The following FHIP1A variants were observed in gnomAD, a reference collection of about 807,000 sequenced individuals.
The protein encoded by FHIP1A is FHF complex subunit HOOK interacting protein 1A, also known as FHF complex subunit HOOK-interacting protein 1A.
A neutral mutation model predicts 88.6 loss-of-function variants in FHIP1A; 61 were observed. The ratio of observed to expected loss-of-function variants is 0.69; its 90% confidence interval spans 0.56 to 0.85. The LOEUF (loss-of-function observed/expected upper bound fraction) is 0.85. Among genes scored for constraint, FHIP1A ranks in the 40% least tolerant of loss-of-function variants. The pLI is 0.00. For missense variants in FHIP1A, 1,154 were observed against 1,273.5 expected, an observed-to-expected ratio of 0.91 and a Z score of 1.43; for synonymous variants, 478 against 496.0, an observed-to-expected ratio of 0.96 and a Z score of 0.48.
chr4:151,648,432 G>T (rs920148042), intron 10 of FHIP1A, among the ~76,000 whole-genome samples: 4 of 152,074 alleles, frequency 2.6e-5, no homozygotes, highest in Admixed American at 1.3e-4. Flanking sequence ...TATAAAATAT[G>T]AATTATGTCT....
At chr4:151,440,123 A>C (rs1728349674) in intron 1 of FHIP1A, among the ~76,000 whole-genome samples, 1 of 152,186 alleles carries the variant, frequency 6.6e-6, no homozygotes, top group Admixed American at 6.5e-5. Context: ...AATGAGTGCC[A>C]GCAGGGGAAG....
chr4:151,649,518 G>A lies in FHIP1A; in HGVS notation c.1477G>A (p.Gly493Arg). 1 of 1,551,668 alleles carries A rather than the reference G, an allele frequency of 6.4e-7. No individual in the cohort carries two copies. Among genetic ancestry groups the A allele is most frequent in the Non-Finnish European group, 8.7e-7 (1 of 1,146,968 alleles). The change falls in exon 11 of 14, where the codon GGG becomes AGG. Residue 493 changes from glycine (G) to arginine (R), a missense_variant. By Grantham distance (125) the Gly-to-Arg change is moderately radical. Coordinates refer to ENST00000435205, the MANE Select transcript of FHIP1A (RefSeq NM_001109977.3). Reference protein sequence around the residue: ...FSESACIVEYGKALDISYLQY... With the variant: ...FSESACIVEYRKALDISYLQY... Reference sequence around the variant, plus strand: ...CGAGTCAGCCTGCATTGTGGAGTATGGGAAAGCCCTGGACATCAGCTACCT... The same window carrying A: ...CGAGTCAGCCTGCATTGTGGAGTATAGGAAAGCCCTGGACATCAGCTACCT...
intron 1 of FHIP1A, among the ~76,000 whole-genome samples, chr4:151,440,367 C>T (rs1728358600): frequency 6.6e-6 from 1 of 152,154 alleles, no homozygotes; most frequent in South Asian, 2.1e-4. Flanking sequence ...AGGTGCCTGA[C>T]ACATAGTAGG....
Position 151,577,625 on chromosome 4 carries a change from C to T in FHIP1A, c.281C>T (p.Ser94Phe). Residue 94 changes from serine (S) to phenylalanine (F), a missense_variant, in exon 5 of 14, where the codon TCT (serine) becomes TTT (phenylalanine). Coordinates refer to ENST00000435205, the MANE Select transcript of FHIP1A (RefSeq NM_001109977.3). ...AMGPILEFVVSENIMEKLFLW... is the reference protein window; with the variant it reads ...AMGPILEFVVFENIMEKLFLW... ...GGGCCGATTCTGGAATTTGTGGTCT[C>T]TGAGAACATCATGGAGAAACTTTTC... 2 of 1,551,852 alleles carry T rather than the reference C, an allele frequency of 1.3e-6. No individual in the cohort carries two copies. Among genetic ancestry groups the T allele is most frequent in the Non-Finnish European group, 1.7e-6 (2 of 1,146,990 alleles).
intron 3 of FHIP1A, among the ~76,000 whole-genome samples, chr4:151,539,562 TAAAAAA>T (rs1215200409): frequency 4.9e-5 from 5 of 102,556 alleles, no homozygotes; most frequent in East Asian, 2.9e-4. Context: ...AGACTCTGTC[TAAAAAA>T]AAAAAAAAAA....
intron 8 of FHIP1A, among the ~76,000 whole-genome samples, chr4:151,630,935 G>A (rs1030643832): frequency 6.6e-6 from 1 of 152,166 alleles, no homozygotes; most frequent in East Asian, 1.9e-4. Context: ...CAAGGAAAAT[G>A]AGAATTTACT....
intron 5 of FHIP1A, among the ~76,000 whole-genome samples, chr4:151,586,409 A>G (rs1734215064): frequency 6.6e-6 from 1 of 152,184 alleles, no homozygotes; most frequent in Admixed American, 6.5e-5. Flanking sequence ...AACCATGTGT[A>G]TATTAGCCAG....
intron 1 of FHIP1A, among the ~76,000 whole-genome samples, chr4:151,443,365 T>G (rs1728476874): frequency 1.3e-5 from 2 of 152,136 alleles, no homozygotes; most frequent in Non-Finnish European, 2.9e-5. Context: ...TCACCCAGGC[T>G]GGATCGCAAT....
intron 3 of FHIP1A, among the ~76,000 whole-genome samples, chr4:151,492,574 G>A (rs1161661618): frequency 2.7e-5 from 4 of 149,984 alleles, no homozygotes; most frequent in Non-Finnish European, 4.4e-5. Flanking sequence ...CCTGGGTGAC[G>A]GAGTGAGGCT....
At chr4:151,602,582 T>G (rs1734917604) in intron 7 of FHIP1A, among the ~76,000 whole-genome samples, 1 of 151,298 alleles carries the variant, frequency 6.6e-6, no homozygotes, top group South Asian at 2.1e-4. Context: ...CGTGGAGGAG[T>G]GTGTTTGGAT....
At chr4:151,549,996 G>A (rs570755540) in intron 3 of FHIP1A, among the ~76,000 whole-genome samples, 3 of 151,804 alleles carry the variant, frequency 2.0e-5, no homozygotes, top group East Asian at 1.9e-4. Context: ...CTTTAAAAAG[G>A]GTTTATTTTT....
At chr4:151,506,594 G>T (rs1233820938) in intron 3 of FHIP1A, among the ~76,000 whole-genome samples, 1 of 152,154 alleles carries the variant, frequency 6.6e-6, no homozygotes, top group East Asian at 1.9e-4. Flanking sequence ...AGAAGCAAGA[G>T]AGAGAGGGGA....
intron 10 of FHIP1A, 78 bp downstream of exon 10, chr4:151,646,826 T>G (rs1429352297): frequency 6.1e-6 from 6 of 979,028 alleles, no homozygotes; most frequent in East Asian, 2.6e-5. Flanking sequence ...TCCCTTTGGG[T>G]AGACAGGGAA....
intron 3 of FHIP1A, among the ~76,000 whole-genome samples, chr4:151,530,457 C>G (rs1731831734): frequency 6.6e-6 from 1 of 152,186 alleles, no homozygotes; most frequent in Non-Finnish European, 1.5e-5. Context: ...ATGAATCACT[C>G]TTTCCTCATG....
intron 3 of FHIP1A, among the ~76,000 whole-genome samples, chr4:151,511,451 C>T (rs1242584036): frequency 2.0e-5 from 3 of 152,190 alleles, no homozygotes; most frequent in East Asian, 1.9e-4. Flanking sequence ...GTGGGTGCAG[C>T]GCACCGTGCG....
chr4:151,459,474 C>T (rs866496878), intron 2 of FHIP1A, among the ~76,000 whole-genome samples: 12 of 152,232 alleles, frequency 7.9e-5, no homozygotes, highest in Middle Eastern at 3.4e-3. Flanking sequence ...TGATCACTTT[C>T]CTAAAAGGAA....
In FHIP1A at chr4:151,670,118, A is replaced by G. The variant is rs1029021503; in HGVS notation, c.*7364A>G. 1 of 152,138 alleles carries G rather than the reference A, an allele frequency of 6.6e-6. No homozygotes were observed. The highest frequency in any genetic ancestry group is 1.5e-5 in the Non-Finnish European group (1 of 68,026). 9.4% of individuals were successfully genotyped at this position (152,138 alleles called of 1,614,324 possible). ...GACAAGTATGCTTTTAAAAAACAAC[A>G]TTTGCAAAACTGGTCTTTAAGCGAC... is the stretch of plus-strand genomic sequence containing the variant. On this transcript the variant is annotated 3_prime_UTR_variant, in exon 14 of 14. Transcript: ENST00000435205.
rs559683053 is a variant in FHIP1A at position 151,648,317 on chromosome 4, G to A, written c.1418-1142G>A. The stretch of plus-strand genomic sequence containing the variant: ...TGTAAAGCTCTTAGAAGACTGCCTC[G>A]CATGTAGTAAGTGCGCAATAAATAC... On this transcript the variant is annotated intron_variant, in intron 10 of 13. Coordinates refer to ENST00000435205, the MANE Select transcript of FHIP1A (RefSeq NM_001109977.3). Among the ~76,000 whole-genome samples the A allele has an allele frequency of 1.6e-4, 25 of 152,270 alleles. No individual in the cohort carries two copies. The South Asian group carries it at 4.8e-3, about 29-fold the overall frequency.
At chr4:151,549,066 G>C (rs2126740637) in intron 3 of FHIP1A, among the ~76,000 whole-genome samples, 1 of 152,192 alleles carries the variant, frequency 6.6e-6, no homozygotes, top group Middle Eastern at 3.4e-3. Flanking sequence ...AATTACGATT[G>C]GCTATTTTAA....
Sources: allele counts gnomAD v4.1 joint callset (sites outside exome capture counted in the v4.1 genomes callset), GRCh38; gene constraint gnomAD v4.1.1; transcripts MANE v1.5; gene names NCBI Gene and HGNC (gene_info 2026-07-23, HGNC 2026-07-21).